Variants in GRIP1 observed in about 807,000 individuals in gnomAD.
The protein encoded by GRIP1 is glutamate receptor-interacting protein 1.
A neutral mutation model predicts 129.9 loss-of-function variants in GRIP1; 45 were observed. That is an observed-to-expected ratio of 0.35 (90% CI 0.27 to 0.44). GRIP1 has a LOEUF of 0.44. Ranked by LOEUF, GRIP1 falls within the 20% of genes least tolerant of loss-of-function variation. GRIP1 has a pLI of 1.00. For missense variants in GRIP1, 1,196 were observed against 1,396.8 expected, an observed-to-expected ratio of 0.86 and a Z score of 2.29; for synonymous variants, 530 against 520.8, an observed-to-expected ratio of 1.02 and a Z score of -0.24.
intron 1 of GRIP1, among the ~76,000 whole-genome samples, chr12:66,862,656 T>C (rs1431655376): frequency 6.6e-6 from 1 of 152,052 alleles, no homozygotes; most frequent in African/African-American, 2.4e-5. Flanking sequence ...TCTCATTTTG[T>C]AGGATCTCTC....
In GRIP1 at chr12:66,420,603, G is replaced by A. The variant is rs1055660894; in HGVS notation, c.1838+117C>T. 3 of 728,278 alleles carry A rather than the reference G, an allele frequency of 4.1e-6. No individual in the cohort carries two copies. In the African/African-American group the frequency reaches 5.2e-5, roughly 13 times the overall value. The allele number at this position is 728,278 out of a possible 1,614,324, so 45.1% of individuals were successfully genotyped here. A position where few individuals can be genotyped will look rare whatever the true frequency, so the allele number is the denominator to read the frequency against. On this transcript the variant is annotated intron_variant, in intron 15 of 24. Transcript: ENST00000359742. ...TATGATCAATTAATAGTGGCTGCTTGGAAGTTTTTGAAAATACAGTGACCC... is the reference window on the plus strand; with the variant it reads ...TATGATCAATTAATAGTGGCTGCTTAGAAGTTTTTGAAAATACAGTGACCC...
chr12:66,599,423 A>G (rs182715738), intron 1 of GRIP1, among the ~76,000 whole-genome samples: 27 of 152,328 alleles, frequency 1.8e-4, no homozygotes, highest in Admixed American at 1.7e-3. Context: ...GCATGGCACA[A>G]TGTAACACTT....
chr12:67,029,802 T>C lies in GRIP1; in HGVS notation c.58+39248A>G, dbSNP rs532076574. Among the ~76,000 whole-genome samples the C allele has an allele frequency of 1.6e-3, 244 of 152,202 alleles. 2 individuals carry two copies. The highest frequency in any genetic ancestry group is 5.3e-3 in the African/African-American group (219 of 41,548). ...GCAGGCAATATCTAGCAATGGTGTTTCTATTTTAGTATTTTTTTGTATTTT... is the reference window on the plus strand; with the variant it reads ...GCAGGCAATATCTAGCAATGGTGTTCCTATTTTAGTATTTTTTTGTATTTT... On this transcript the variant is annotated intron_variant, in intron 1 of 1. Transcript: ENST00000643019.
At chr12:66,797,251 T>C (rs1300269487) in intron 1 of GRIP1, among the ~76,000 whole-genome samples, 1 of 152,162 alleles carries the variant, frequency 6.6e-6, no homozygotes, top group East Asian at 1.9e-4. Flanking sequence ...ACTCTCTAAA[T>C]GAAAAGTAAG....
At chr12:66,504,499 T>TTGTAATCATATGTAATCATA (rs1446311796) in intron 7 of GRIP1, among the ~76,000 whole-genome samples, 11 of 152,150 alleles carry the variant, frequency 7.2e-5, no homozygotes, top group Non-Finnish European at 2.9e-5. Context: ...TAAGATGCAT[T>TTGTAATCATATGTAATCATA]TGTAATCATA....
intron 1 of GRIP1, among the ~76,000 whole-genome samples, chr12:66,726,785 G>A (rs1041303870): frequency 1.3e-5 from 2 of 152,180 alleles, no homozygotes; most frequent in African/African-American, 4.8e-5. Flanking sequence ...ATTTGAGGCA[G>A]TAAAGTTAGC....
chr12:66,946,765 TC>T (rs2041674003), intron 1 of GRIP1, among the ~76,000 whole-genome samples: 1 of 4,856 alleles, frequency 2.1e-4, no homozygotes, highest in African/African-American at 1.3e-3. Flanking sequence ...GCAGCGGGGG[TC>T]GGGGGGTGGG....
chr12:66,810,887 C>T (rs926822159), intron 1 of GRIP1, among the ~76,000 whole-genome samples: 1 of 152,198 alleles, frequency 6.6e-6, no homozygotes, highest in Non-Finnish European at 1.5e-5. Context: ...TAAGTTTGCT[C>T]ATCTGCAAAT....
At chr12:66,502,065 T>C (rs1358915039) in intron 7 of GRIP1, among the ~76,000 whole-genome samples, 3 of 152,198 alleles carry the variant, frequency 2.0e-5, no homozygotes, top group Admixed American at 6.5e-5. Context: ...ATTTTTGTTT[T>C]GTATTTATGG....
chr12:66,508,885 T>G (rs954014604), intron 7 of GRIP1, among the ~76,000 whole-genome samples: 2 of 152,162 alleles, frequency 1.3e-5, no homozygotes, highest in African/African-American at 4.8e-5. Flanking sequence ...ATCATGTAAT[T>G]TTAAAAATCC....
rs981449267 is a variant in GRIP1, at chr12:66,499,725, G to A, written c.724+15894C>T. 3.3e-5 allele frequency among the ~76,000 whole-genome samples: 5 copies of A among 152,188 alleles called. No homozygotes were observed. The South Asian group carries it at 1.0e-3, about 32-fold the overall frequency. On this transcript the variant is annotated intron_variant, in intron 7 of 24. Transcript: ENST00000359742. ...ACCAGGATAACTCTAAGAACAGGCT[G>A]GGTACAATGGCTCATGCCTGTAATA...
At chr12:66,438,067 T>C (rs1386156170) in intron 13 of GRIP1, among the ~76,000 whole-genome samples, 1 of 152,350 alleles carries the variant, frequency 6.6e-6, no homozygotes, top group Middle Eastern at 3.4e-3. Flanking sequence ...TAATTAACCA[T>C]TAATGTTGTG....
intron 1 of GRIP1, among the ~76,000 whole-genome samples, chr12:66,979,231 A>AAAAAAAAC (rs2042202783): frequency 1.4e-5 from 1 of 73,126 alleles, no homozygotes; most frequent in Non-Finnish European, 3.0e-5. Flanking sequence ...TTAAAAAAAA[A>AAAAAAAAC]AAAAAAAAAA....
intron 9 of GRIP1, among the ~76,000 whole-genome samples, chr12:66,462,659 G>A (rs2059166221): frequency 1.3e-5 from 2 of 151,934 alleles, no homozygotes; most frequent in Admixed American, 1.3e-4. Context: ...AAAATTAGCT[G>A]GGCATGGTGG....
chr12:66,458,812 G>A (rs1197714606), intron 9 of GRIP1, among the ~76,000 whole-genome samples: 1 of 152,194 alleles, frequency 6.6e-6, no homozygotes, highest in African/African-American at 2.4e-5. Context: ...CTTAGAACAA[G>A]TCAGGTTCCT....
At chr12:66,893,156 T>C (rs1057179684) in intron 1 of GRIP1, among the ~76,000 whole-genome samples, 7 of 152,170 alleles carry the variant, frequency 4.6e-5, no homozygotes, top group Admixed American at 2.0e-4. Flanking sequence ...AGTGGAACCA[T>C]ACAGTATAAA....
At chr12:67,026,294 C>G (rs1167529565) in intron 1 of GRIP1, among the ~76,000 whole-genome samples, 3 of 152,168 alleles carry the variant, frequency 2.0e-5, no homozygotes, top group Non-Finnish European at 4.4e-5. Context: ...CCATTAAAAG[C>G]TGCTATAATT....
intron 7 of GRIP1, among the ~76,000 whole-genome samples, chr12:66,513,423 A>G (rs765681344): frequency 6.6e-6 from 1 of 152,080 alleles, no homozygotes; most frequent in African/African-American, 2.4e-5. Flanking sequence ...GGGAGAAATG[A>G]CATATTTTAG....
At chr12:66,805,967 C>CTTTTTTTT (rs71069019), upstream of GRIP1, among the ~76,000 whole-genome samples, 1 of 130,722 alleles carries the variant, frequency 7.6e-6, no homozygotes, top group Non-Finnish European at 1.6e-5. Context: ...CCTTAGGTTT[C>CTTTTTTTT]TTTTTTTTTT....
Sources: gnomAD v4.1 joint callset for allele counts (sites outside exome capture counted in the v4.1 genomes callset) on GRCh38, gnomAD v4.1.1 for gene constraint, MANE v1.5 for transcripts, NCBI Gene and HGNC (gene_info 2026-07-23, HGNC 2026-07-21) for gene names.